BRSK1: variants seen among roughly 807,000 people sequenced by gnomAD.
The protein encoded by BRSK1 is BR serine/threonine kinase 1.
Under a neutral mutation model 86.2 loss-of-function variants are expected in BRSK1, and 17 were observed. The observed-to-expected ratio is 0.20, with a 90% CI of 0.14 to 0.30. BRSK1 has a LOEUF of 0.30. BRSK1 is among the 10% of genes least tolerant of loss of function. The pLI is 1.00. For synonymous variants in BRSK1, 464 were observed against 440.1 expected (o/e 1.05, Z -0.68); for missense variants, 719 against 1,071.9 (o/e 0.67, Z 4.60).
At chr19:55,291,277 G>A (rs1439328210) in intron 4 of BRSK1, among the ~76,000 whole-genome samples, 3 of 151,860 alleles carry the variant, frequency 2.0e-5, no homozygotes, top group Non-Finnish European at 2.9e-5. Context: ...GGTAGCACAT[G>A]CCTGTAATCC....
intron 17 of BRSK1, among the ~76,000 whole-genome samples, chr19:55,307,410 G>A (rs562244384): frequency 3.9e-5 from 6 of 152,000 alleles, no homozygotes; most frequent in Admixed American, 6.6e-5. Flanking sequence ...TAAGCCTCGC[G>A]TGGTGGTGGG....
chr19:55,312,148 C>A lies in BRSK1; in HGVS notation c.*80C>A. ...CAACTGTGAATCTGTAAATAAGGCC[C>A]AAGGAACATGTCGGGAGGGGGGTGG... On this transcript the variant is annotated 3_prime_UTR_variant, in exon 19 of 19. Transcript: ENST00000309383. The A allele has an allele frequency of 1.6e-6, 1 of 643,982 alleles. No individual in the cohort carries two copies. The highest frequency in any genetic ancestry group is 3.3e-5 in the East Asian group (1 of 30,554). The allele number at this position is 643,982 out of a possible 1,614,324, so 39.9% of individuals were successfully genotyped here.
chr19:55,295,099 G>A (rs556634667), intron 7 of BRSK1, among the ~76,000 whole-genome samples: 162 of 151,650 alleles, frequency 1.1e-3, no homozygotes, highest in African/African-American at 3.8e-3. Context: ...ATCGTGCCCG[G>A]CAGCTGAATT....
At chr19:55,292,558 G>A (rs1191281396) in intron 4 of BRSK1, among the ~76,000 whole-genome samples, 1 of 152,220 alleles carries the variant, frequency 6.6e-6, no homozygotes, top group Non-Finnish European at 1.5e-5. Flanking sequence ...TCCAGGCCGG[G>A]CGCGGTGGCT....
In BRSK1 at chr19:55,294,165, G is replaced by A; in HGVS notation, c.575+32G>A. 6.2e-7 allele frequency: 1 copy of A among 1,611,538 alleles called. No individual in the cohort carries two copies. Among genetic ancestry groups the A allele is most frequent in the Non-Finnish European group, 8.5e-7 (1 of 1,178,088 alleles). On this transcript the variant is annotated intron_variant, in intron 5 of 18. Transcript: ENST00000309383. This position sits in a 1 kb window ranked among gnomAD's most constrained non-coding sequence, Gnocchi z 4.9. ...GGGGACTGGGCTCCCGAGACCCTGG[G>A]CAGGGGTTTAGAAGCTGGCTGGAGG...
chr19:55,301,419 C>T, intron 7 of BRSK1, 93 bp from the exon 8 acceptor site: 1 of 1,468,176 alleles, frequency 6.8e-7, no homozygotes. Context: ...GTTTCCAACC[C>T]CTTAAGGTGG....
At chr19:55,289,743 C>T in intron 4 of BRSK1, 123 bp downstream of exon 4, 1 of 1,264,376 alleles carries the variant, frequency 7.9e-7, no homozygotes, top group Non-Finnish European at 1.1e-6. Context: ...CCCATTGAGA[C>T]ATAACTCATA....
chr19:55,303,738 A>G lies in BRSK1; in HGVS notation c.1198A>G (p.Met400Val), dbSNP rs1356715360. ...GAAGCGGCGACCAGAGCGGAAGTCC[A>G]TGGAAGTCCTGAGCATCACCGATGC... is the stretch of plus-strand genomic sequence containing the variant. ...HGKRRPERKS[M>V]EVLSITDAGG... The change falls in exon 12 of 19, where the codon ATG becomes GTG. Residue 400 changes from methionine (M) to valine (V), a missense_variant. By Grantham distance (21) the Met-to-Val change is conservative (BLOSUM62 1). Transcript: ENST00000309383. This position sits in a 1 kb window ranked among gnomAD's most constrained non-coding sequence, Gnocchi z 5.1. 7 of 1,613,690 alleles carry G rather than the reference A, an allele frequency of 4.3e-6. No homozygotes were observed. Among genetic ancestry groups the G allele is most frequent in the East Asian group, 2.2e-5 (1 of 44,880 alleles).
intron 16 of BRSK1, 111 bp downstream of exon 16, chr19:55,305,697 G>T: frequency 1.3e-6 from 2 of 1,507,116 alleles, no homozygotes; most frequent in Non-Finnish European, 9.0e-7. Context: ...GGGCTCATGG[G>T]ATTTGTAGTT....
intron 8 of BRSK1, among the ~76,000 whole-genome samples, chr19:55,301,896 G>T (rs912060600): frequency 6.6e-6 from 1 of 152,168 alleles, no homozygotes; most frequent in African/African-American, 2.4e-5. Context: ...GTAAGGAGGC[G>T]AACAGGATGC....
chr19:55,301,717 C>T (rs2088571685), intron 8 of BRSK1, 59 bp downstream of exon 8: 6 of 1,563,414 alleles, frequency 3.8e-6, no homozygotes, highest in Admixed American at 1.9e-5. Flanking sequence ...ACAGAACCCC[C>T]TAGAAAAGTC....
intron 15 of BRSK1, 27 bp from the exon 16 acceptor site, chr19:55,305,436 C>T (rs909385851): frequency 2.5e-6 from 4 of 1,614,116 alleles, no homozygotes; most frequent in Non-Finnish European, 3.4e-6. Context: ...CTTCCTAACC[C>T]TCCTCCAACC....
Position 55,287,721 on chromosome 19 carries a change from C to A in BRSK1, c.317+422C>A, listed in dbSNP as rs2088340065. ...GAGCACTGGAGAGCCCCCCTCCTCC[C>A]CCGGCATAACTTCGGGTGCCGTGGC... is the stretch of plus-strand genomic sequence containing the variant. On this transcript the variant is annotated intron_variant, in intron 3 of 18. Transcript: ENST00000309383. This position sits in a 1 kb window ranked among gnomAD's most constrained non-coding sequence, Gnocchi z 5.3. Among the ~76,000 whole-genome samples, 1 of 152,254 alleles carries A rather than the reference C, an allele frequency of 6.6e-6. No individual in the cohort carries two copies. The highest frequency in any genetic ancestry group is 2.1e-4 in the South Asian group (1 of 4,834).
At chr19:55,301,812 G>A (rs1389323960) in intron 8 of BRSK1, among the ~76,000 whole-genome samples, 154 bp downstream of exon 8, 1 of 152,206 alleles carries the variant, frequency 6.6e-6, no homozygotes, top group East Asian at 1.9e-4. Flanking sequence ...GTCCAGCACA[G>A]CTGCCGCTCC....
intron 8 of BRSK1, 143 bp from the exon 9 acceptor site, chr19:55,301,994 G>T: frequency 9.8e-7 from 1 of 1,019,350 alleles, no homozygotes; most frequent in Non-Finnish European, 1.5e-6. Flanking sequence ...CGCCACTAGA[G>T]GGCGATGTAA....
At chr19:55,285,283 G>C (rs1600166990) in intron 1 of BRSK1, among the ~76,000 whole-genome samples, 1 of 151,672 alleles carries the variant, frequency 6.6e-6, no homozygotes, top group Non-Finnish European at 1.5e-5. Context: ...CTGAGTCTGA[G>C]GGAGGAGGGC....
Position 55,303,483 on chromosome 19 carries a change from TC to T in BRSK1, c.1126+78del. On this transcript the variant is annotated intron_variant, in intron 11 of 18. Transcript: ENST00000309383. The surrounding 1 kb of genome is among the most constrained non-coding windows in gnomAD (Gnocchi z 5.1). The stretch of plus-strand genomic sequence containing the variant: ...GAGGCTGGCCACGGGGACCCCAGAT[TC>T]CCAAGGAAAGAAGGGGCTGCAGGCT... 6.5e-7 allele frequency: 1 copy of T among 1,532,718 alleles called. No individual in the cohort carries two copies. The highest frequency in any genetic ancestry group is 9.0e-7 in the Non-Finnish European group (1 of 1,108,756). 94.9% of individuals were successfully genotyped at this position (1,532,718 alleles called of 1,614,324 possible). A position where few individuals can be genotyped will look rare whatever the true frequency, so the allele number is the denominator to read the frequency against.
chr19:55,305,803 C>T (rs11879441), intron 16 of BRSK1, among the ~76,000 whole-genome samples: 8,554 of 152,216 alleles, frequency 0.056, 764 homozygotes, highest in African/African-American at 0.19. Context: ...TTGCAATGTC[C>T]TCAAGGATTG....
Position 55,305,716 on chromosome 19 carries a change from A to T in BRSK1, c.1890+130A>T, listed in dbSNP as rs980403651. The T allele has an allele frequency of 4.9e-5, 69 of 1,403,726 alleles. 1 individual carries two copies. The East Asian group carries it at 1.4e-3, about 29-fold the overall frequency. 87.0% of individuals were successfully genotyped at this position (1,403,726 alleles called of 1,614,324 possible). On this transcript the variant is annotated intron_variant, in intron 16 of 18. Coordinates refer to ENST00000309383, the MANE Select transcript of BRSK1 (RefSeq NM_032430.2). ...TCATGGGATTTGTAGTTTTATGGCCAGAGTTGGTTAGAAGTCGGTAGGCAG... is the reference window on the plus strand; with the variant it reads ...TCATGGGATTTGTAGTTTTATGGCCTGAGTTGGTTAGAAGTCGGTAGGCAG...
Sources: allele counts gnomAD v4.1 joint callset (sites outside exome capture counted in the v4.1 genomes callset), GRCh38; gene constraint gnomAD v4.1.1; non-coding constraint Gnocchi (gnomAD v3.1); transcripts MANE v1.5; gene names NCBI Gene and HGNC (gene_info 2026-07-23, HGNC 2026-07-21).